PARD3: variants seen among roughly 807,000 people sequenced by gnomAD.
PARD3 encodes partitioning defective 3 homolog.
A neutral mutation model predicts 155.4 loss-of-function variants in PARD3; 75 were observed. The ratio of observed to expected loss-of-function variants is 0.48; its 90% CI spans 0.40 to 0.58. The LOEUF is 0.58. PARD3 is among the 20% of genes least tolerant of loss of function. The pLI is 0.00. For synonymous variants in PARD3, 576 were observed against 610.5 expected (o/e 0.94, Z 0.83); for missense variants, 1,642 against 1,721.7 (o/e 0.95, Z 0.82).
intron 22 of PARD3, among the ~76,000 whole-genome samples, chr10:34,149,151 C>T (rs1437361246): frequency 6.6e-6 from 1 of 151,944 alleles, no homozygotes; most frequent in East Asian, 1.9e-4. Context: ...CCAGAAACAG[C>T]AATAAAAATA....
intron 1 of PARD3, among the ~76,000 whole-genome samples, chr10:34,777,291 C>A (rs1367156083): frequency 6.6e-6 from 1 of 152,168 alleles, no homozygotes; most frequent in African/African-American, 2.4e-5. Flanking sequence ...CCACCCTCTT[C>A]CCCTGGTGGA....
intron 5 of PARD3, among the ~76,000 whole-genome samples, chr10:34,447,510 A>C (rs2076808865): frequency 7.5e-6 from 1 of 133,220 alleles, no homozygotes; most frequent in South Asian, 2.4e-4. Context: ...AAAAAAAAAA[A>C]AAAAAAAAAG....
chr10:34,505,264 A>G (rs2080985270), intron 3 of PARD3, among the ~76,000 whole-genome samples: 1 of 152,252 alleles, frequency 6.6e-6, no homozygotes, highest in African/African-American at 2.4e-5. Flanking sequence ...AACAGGTAAC[A>G]TAATTAGGCA....
chr10:34,540,219 G>A (rs1045034500), intron 2 of PARD3, among the ~76,000 whole-genome samples: 1 of 152,082 alleles, frequency 6.6e-6, no homozygotes, highest in Non-Finnish European at 1.5e-5. Context: ...TTGCTCTGCT[G>A]CATCCCCAGG....
intron 22 of PARD3, among the ~76,000 whole-genome samples, chr10:34,163,612 T>G (rs920501003): frequency 2.6e-5 from 4 of 152,208 alleles, no homozygotes; most frequent in African/African-American, 9.6e-5. Context: ...TAAATATTTT[T>G]GGCCTTGTGG....
chr10:34,509,854 T>C (rs921758377), intron 3 of PARD3, among the ~76,000 whole-genome samples: 1 of 152,078 alleles, frequency 6.6e-6, no homozygotes, highest in Non-Finnish European at 1.5e-5. Context: ...CAACTGTGCA[T>C]AAAAACTTCC....
At chr10:34,177,710 A>G (rs1268122720) in intron 22 of PARD3, among the ~76,000 whole-genome samples, 2 of 152,186 alleles carry the variant, frequency 1.3e-5, no homozygotes, top group African/African-American at 4.8e-5. Context: ...AGTTCTCTTG[A>G]AAGGGCAGGA....
At chr10:34,165,572 C>G (rs1949491503) in intron 22 of PARD3, among the ~76,000 whole-genome samples, 1 of 152,180 alleles carries the variant, frequency 6.6e-6, no homozygotes, top group Non-Finnish European at 1.5e-5. Context: ...AGTGCCACCC[C>G]TCTCTGCCTT....
intron 18 of PARD3, 27 bp downstream of exon 18, chr10:34,336,172 G>A: frequency 1.3e-6 from 2 of 1,587,006 alleles, no homozygotes; most frequent in Middle Eastern, 1.7e-4. Context: ...TCGTTTCTAT[G>A]GCAACAGTCT....
At chr10:34,799,721 T>C (rs1199436597) in intron 1 of PARD3, among the ~76,000 whole-genome samples, 3 of 151,834 alleles carry the variant, frequency 2.0e-5, no homozygotes, top group African/African-American at 7.3e-5. Context: ...CTGGGTACGG[T>C]GGCTGACACT....
intron 4 of PARD3, among the ~76,000 whole-genome samples, chr10:34,467,302 A>T (rs2078068935): frequency 6.6e-6 from 1 of 150,730 alleles, no homozygotes. Context: ...TCAGGATGCA[A>T]ATATATGAAC....
chr10:34,153,408 T>A (rs673009), intron 22 of PARD3, among the ~76,000 whole-genome samples: 2 of 152,202 alleles, frequency 1.3e-5, no homozygotes, highest in African/African-American at 4.8e-5. Context: ...CACACACGTA[T>A]AATAAACTTT....
In PARD3 at chr10:34,358,524, C is replaced by T. The variant is rs755476917; in HGVS notation, c.2067+623G>A. 5.3e-5 allele frequency among the ~76,000 whole-genome samples: 8 copies of T among 152,274 alleles called. No homozygotes were observed. The East Asian group carries it at 5.8e-4, about 11-fold the overall frequency. ...TGATAATCTCACAAGAGAACACCAT[C>T]ATCTAAGAAAGCCAGACTGTGGGCC... On this transcript the variant is annotated intron_variant, in intron 14 of 24. Coordinates refer to ENST00000374788, the MANE Select transcript of PARD3 (RefSeq NM_001184785.2).
intron 2 of PARD3, among the ~76,000 whole-genome samples, chr10:34,583,097 T>G (rs2087648470): frequency 6.6e-6 from 1 of 152,206 alleles, no homozygotes; most frequent in East Asian, 1.9e-4. Context: ...GCTGTTATTA[T>G]TGTGAGTACC....
chr10:34,753,144 G>GGGGTCCTGATTGCTGTGTGTA (rs1368951148), intron 1 of PARD3, among the ~76,000 whole-genome samples: 29 of 152,338 alleles, frequency 1.9e-4, no homozygotes, highest in Admixed American at 1.6e-3. Flanking sequence ...AGCTCCAGCA[G>GGGGTCCTGATTGCTGTGTGTA]GGGTCCTGAT....
chr10:34,642,675 A>C (rs2092715542), intron 2 of PARD3, among the ~76,000 whole-genome samples: 1 of 152,024 alleles, frequency 6.6e-6, no homozygotes, highest in Non-Finnish European at 1.5e-5. Flanking sequence ...CCCTGAGGAC[A>C]GCTACCTAGA....
chr10:34,311,327 C>T (rs940467971), intron 20 of PARD3, among the ~76,000 whole-genome samples: 13 of 152,060 alleles, frequency 8.5e-5, no homozygotes, highest in African/African-American at 3.1e-4. Context: ...GTCTCGAACT[C>T]CTGTGCCTGG....
chr10:34,616,930 CAAAA>C (rs1171920434), intron 2 of PARD3, among the ~76,000 whole-genome samples: 3 of 89,262 alleles, frequency 3.4e-5, no homozygotes, highest in African/African-American at 7.4e-5. Context: ...GCACCTGTCT[CAAAA>C]AAAAAAAAAA....
chr10:34,291,973 G>T (rs1430243451), intron 20 of PARD3, among the ~76,000 whole-genome samples: 1 of 152,124 alleles, frequency 6.6e-6, no homozygotes, highest in African/African-American at 2.4e-5. Context: ...GGAAGGCCAG[G>T]GATTTGAAGG....
Sources: gnomAD v4.1 joint callset for allele counts (sites outside exome capture counted in the v4.1 genomes callset) on GRCh38, gnomAD v4.1.1 for gene constraint, MANE v1.5 for transcripts, NCBI Gene and HGNC (gene_info 2026-07-23, HGNC 2026-07-21) for gene names.